The following MLLT6 variants were observed in gnomAD, a reference collection of about 807,000 sequenced individuals.
The protein encoded by MLLT6 is MLLT6, PHD finger containing.
In MLLT6, 22 loss-of-function variants were observed where a neutral mutation model predicts 103.0. That is an observed-to-expected ratio of 0.21 (90% confidence interval 0.15 to 0.31). The LOEUF (loss-of-function observed/expected upper bound fraction) is 0.31. Among genes scored for constraint, MLLT6 ranks in the 10% least tolerant of loss-of-function variants. The pLI, the probability that MLLT6 is intolerant of heterozygous loss-of-function variation, is 1.00. For synonymous variants in MLLT6, 606 were observed against 623.5 expected, an observed-to-expected ratio of 0.97 and a Z score of 0.42; for missense variants, 1,199 against 1,441.7, an observed-to-expected ratio of 0.83 and a Z score of 2.73.
rs894671753 is a variant in MLLT6 at position 38,728,592 on chromosome 17, G to A, written c.*2994G>A. ...GGGGTCACAACTGGTGCATGCCAGC[G>A]CCAAAGGGACCTGTCTTTAGGGGTC... is the stretch of plus-strand genomic sequence containing the variant. On this transcript the variant is annotated 3_prime_UTR_variant, in exon 20 of 20. Transcript: ENST00000621332. The A allele has an allele frequency of 8.6e-6, 2 of 233,460 alleles. No individual in the cohort carries two copies. The highest frequency in any genetic ancestry group is 8.5e-6 in the Non-Finnish European group (1 of 118,144). The allele number at this position is 233,460 out of a possible 1,614,324, so 14.5% of individuals were successfully genotyped here. A position where few individuals can be genotyped will look rare whatever the true frequency, so the allele number is the denominator to read the frequency against.
In MLLT6 at chr17:38,715,546, T is replaced by G. The variant is rs562545730; in HGVS notation, c.820-66T>G. 30 of 1,516,068 alleles carry G rather than the reference T, an allele frequency of 2.0e-5. No homozygotes were observed. The East Asian group carries it at 6.2e-4, about 31-fold the overall frequency. The allele number at this position is 1,516,068 out of a possible 1,614,324, so 93.9% of individuals were successfully genotyped here. On this transcript the variant is annotated intron_variant, in intron 8 of 19. Coordinates refer to ENST00000621332, the MANE Select transcript of MLLT6 (RefSeq NM_005937.4). ...TAGGTCCTGTGCCCTCCTGCTTCAC[T>G]CCCACATCAGGATCAGCACAGGCCC... is the stretch of plus-strand genomic sequence containing the variant.
At position 38,718,081 on chromosome 17, in the gene MLLT6, C is replaced by G. The variant is rs1425688577; in HGVS notation, c.1942+128C>G. The stretch of plus-strand genomic sequence containing the variant: ...CTCCCTCTGGCCATTGCCCTCCCTG[C>G]AAAAACAAACAGGCCGGGTGTGGTG... On this transcript the variant is annotated intron_variant, in intron 12 of 19. Transcript: ENST00000621332. 7.6e-6 allele frequency: 5 copies of G among 662,046 alleles called. No homozygotes were observed. The Admixed American group carries it at 1.1e-4, about 14-fold the overall frequency. The allele number at this position is 662,046 out of a possible 1,614,324, so 41.0% of individuals were successfully genotyped here.
At position 38,717,040 on chromosome 17, in the gene MLLT6, G is replaced by A. The variant is rs1905380749; in HGVS notation, c.1651+59G>A. On this transcript the variant is annotated intron_variant, in intron 10 of 19. Transcript: ENST00000621332. Reference sequence around the variant, plus strand: ...GGCCCAGCCAGTCTAGTGAGGAACAGAGCTTACACATGCACTTAGAAGGAA... The same window carrying A: ...GGCCCAGCCAGTCTAGTGAGGAACAAAGCTTACACATGCACTTAGAAGGAA... The A allele has an allele frequency of 1.1e-5, 18 of 1,595,870 alleles. 1 individual carries two copies. In the Middle Eastern group the frequency reaches 5.5e-4, roughly 49 times the overall value.
chr17:38,705,471 G>C lies in MLLT6; in HGVS notation c.-162G>C, dbSNP rs1179188739. On this transcript the variant is annotated 5_prime_UTR_variant, in exon 1 of 20. Coordinates refer to ENST00000621332, the MANE Select transcript of MLLT6 (RefSeq NM_005937.4). ...GCGAGGAGGAGGAGGAGGAGGACGCGGAGGAGGAGGAAGGAGGAGGCAAAG... is the reference window on the plus strand; with the variant it reads ...GCGAGGAGGAGGAGGAGGAGGACGCCGAGGAGGAGGAAGGAGGAGGCAAAG... 1.1e-5 allele frequency: 5 copies of C among 447,714 alleles called. No individual in the cohort carries two copies. The East Asian group carries it at 1.9e-4, about 17-fold the overall frequency. The allele number at this position is 447,714 out of a possible 1,614,324, so 27.7% of individuals were successfully genotyped here. A position where few individuals can be genotyped will look rare whatever the true frequency, so the allele number is the denominator to read the frequency against.
At chr17:38,706,692 T>TG (rs1567922169) in intron 1 of MLLT6, 1 of 368,616 alleles carries the variant, frequency 2.7e-6, no homozygotes, top group Non-Finnish European at 4.8e-6. Context: ...AGAAAGGGCG[T>TG]GGGGGGAGGA....
intron 3 of MLLT6, 45 bp from the exon 4 acceptor site, chr17:38,707,718 T>A: frequency 7.5e-7 from 1 of 1,333,890 alleles, no homozygotes. Flanking sequence ...GGGTGGAGTC[T>A]CCGGCTTGCC....
intron 8 of MLLT6, chr17:38,713,182 C>A (rs2143679160): frequency 1.6e-6 from 1 of 620,356 alleles, no homozygotes; most frequent in East Asian, 2.6e-5. Flanking sequence ...AAGCTTGTCA[C>A]CCAACCCAAA....
At position 38,719,596 on chromosome 17, in the gene MLLT6, G is replaced by A; in HGVS notation, c.2009+13G>A. 2 of 1,598,444 alleles carry A rather than the reference G, an allele frequency of 1.3e-6. No individual in the cohort carries two copies. Among genetic ancestry groups the A allele is most frequent in the East Asian group, 4.5e-5 (2 of 44,590 alleles). Reference sequence around the variant, plus strand: ...GTCTGTCTTCCATGTGAGGGAAGGGGCAGCCTGGAGGAGGGGCTGGGGGCA... The same window carrying A: ...GTCTGTCTTCCATGTGAGGGAAGGGACAGCCTGGAGGAGGGGCTGGGGGCA... On this transcript the variant is annotated intron_variant, in intron 13 of 19. Coordinates refer to ENST00000621332, the MANE Select transcript of MLLT6 (RefSeq NM_005937.4).
rs1269228828 is a variant in MLLT6, at chr17:38,709,862, G to A, written c.552+287G>A. Among the ~76,000 whole-genome samples the A allele has an allele frequency of 6.6e-6, 1 of 152,182 alleles. No homozygotes were observed. The highest frequency in any genetic ancestry group is 1.5e-5 in the Non-Finnish European group (1 of 68,044). The stretch of plus-strand genomic sequence containing the variant: ...GGTAGCATTTAAGCTGAGTGGAGGT[G>A]GAAATCAAAGTAAGAGCCAACATTT... On this transcript the variant is annotated intron_variant, in intron 6 of 19. Transcript: ENST00000621332. This position sits in a 1 kb window ranked among gnomAD's most constrained non-coding sequence, Gnocchi z 4.3.
chr17:38,727,485 C>T lies in MLLT6; in HGVS notation c.*1887C>T, dbSNP rs1194536168. ...CTTAATCTATTAAGCTGTGTAACTCCCTGCCCCAAACCACTGAAAAGAAAA... is the reference window on the plus strand; with the variant it reads ...CTTAATCTATTAAGCTGTGTAACTCTCTGCCCCAAACCACTGAAAAGAAAA... On this transcript the variant is annotated 3_prime_UTR_variant, in exon 20 of 20. Transcript: ENST00000621332. The T allele has an allele frequency of 4.6e-6, 1 of 216,390 alleles. No homozygotes were observed. Among genetic ancestry groups the T allele is most frequent in the Non-Finnish European group, 9.3e-6 (1 of 107,440 alleles). 13.4% of individuals were successfully genotyped at this position (216,390 alleles called of 1,614,324 possible).
chr17:38,719,981 G>A, intron 14 of MLLT6, 86 bp downstream of exon 14: 3 of 1,463,306 alleles, frequency 2.1e-6, no homozygotes, highest in Non-Finnish European at 2.7e-6. Context: ...CTTCTTTAAG[G>A]TTCCGCCCTT....
Position 38,709,435 on chromosome 17 carries a change from C to T in MLLT6, c.459-47C>T. 2.6e-6 allele frequency: 4 copies of T among 1,542,114 alleles called. No homozygotes were observed. The highest frequency in any genetic ancestry group is 3.6e-6 in the Non-Finnish European group (4 of 1,114,474). The stretch of plus-strand genomic sequence containing the variant: ...CCAGGAGGGTGAGAGGAAGGTGGCT[C>T]ATGTGATCTGTGGCCTCAGCCGTCT... On this transcript the variant is annotated intron_variant, in intron 5 of 19. Coordinates refer to ENST00000621332, the MANE Select transcript of MLLT6 (RefSeq NM_005937.4). The surrounding 1 kb of genome is among the most constrained non-coding windows in gnomAD (Gnocchi z 4.3).
In MLLT6 at chr17:38,724,421, T is replaced by C. The variant is rs1324583815; in HGVS notation, c.2884-199T>C. 1.9e-6 allele frequency: 1 copy of C among 533,988 alleles called. No homozygotes were observed. The highest frequency in any genetic ancestry group is 3.3e-6 in the Non-Finnish European group (1 of 303,290). 33.1% of individuals were successfully genotyped at this position (533,988 alleles called of 1,614,324 possible). A position where few individuals can be genotyped will look rare whatever the true frequency, so the allele number is the denominator to read the frequency against. The stretch of plus-strand genomic sequence containing the variant: ...CAGTGCTGCAGCTGGCAAATACCAA[T>C]GGCGTGCAACCATTTTCTTGTCTAG... On this transcript the variant is annotated intron_variant, in intron 18 of 19. Coordinates refer to ENST00000621332, the MANE Select transcript of MLLT6 (RefSeq NM_005937.4). The surrounding 1 kb of genome is among the most constrained non-coding windows in gnomAD (Gnocchi z 5.4).
chr17:38,717,635 C>G, intron 11 of MLLT6, 22 bp downstream of exon 11: 1 of 1,608,916 alleles, frequency 6.2e-7, no homozygotes. Context: ...CTCCTGGGCT[C>G]CTCCTTCCCT....
rs961945167 is a variant in MLLT6, at chr17:38,729,501, C to G, written c.*3903C>G. On this transcript the variant is annotated 3_prime_UTR_variant, in exon 20 of 20. Coordinates refer to ENST00000621332, the MANE Select transcript of MLLT6 (RefSeq NM_005937.4). ...GGGTGGTGGGACTGGAGACCTCACC[C>G]CTGCTCCCGTCCCGCCCCCTTTCTA... The G allele has an allele frequency of 4.3e-5, 10 of 233,470 alleles. No individual in the cohort carries two copies. The highest frequency in any genetic ancestry group is 7.6e-5 in the Non-Finnish European group (9 of 118,006). The allele number at this position is 233,470 out of a possible 1,614,324, so 14.5% of individuals were successfully genotyped here. A position where few individuals can be genotyped will look rare whatever the true frequency, so the allele number is the denominator to read the frequency against.
At chr17:38,720,320 G>GCCCCCCCCCCCCCC in intron 14 of MLLT6, 52 bp from the exon 15 acceptor site, 3 of 735,418 alleles carry the variant, frequency 4.1e-6, no homozygotes, top group East Asian at 2.8e-5. Flanking sequence ...CGGTCCCCTG[G>GCCCCCCCCCCCCCC]CCCCGCCTCC....
At position 38,721,977 on chromosome 17, in the gene MLLT6, C is replaced by T; in HGVS notation, c.2542C>T (p.Pro848Ser). The change falls in exon 17 of 20, where the codon CCC (proline) becomes TCC (serine). Residue 848 changes from proline (P) to serine (S), a missense_variant. Transcript: ENST00000621332. ...PLLQQSPATL[P>S]LALPGAPAPL... ...CCTCCAGCAGAGCCCTGCCACTCTG[C>T]CCCTGGCCCTGCCTGGGGCCCCTGC... The T allele has an allele frequency of 1.3e-6, 2 of 1,500,860 alleles. No individual in the cohort carries two copies. Among genetic ancestry groups the T allele is most frequent in the Non-Finnish European group, 1.8e-6 (2 of 1,125,982 alleles). The allele number at this position is 1,500,860 out of a possible 1,614,324, so 93.0% of individuals were successfully genotyped here. A position where few individuals can be genotyped will look rare whatever the true frequency, so the allele number is the denominator to read the frequency against.
In MLLT6 at chr17:38,717,706, G is replaced by T. The variant is rs1202140616; in HGVS notation, c.1833+93G>T. 1.4e-5 allele frequency: 21 copies of T among 1,472,046 alleles called. 1 individual carries two copies. The highest frequency in any genetic ancestry group is 4.6e-5 in the East Asian group (2 of 43,922). The allele number at this position is 1,472,046 out of a possible 1,614,324, so 91.2% of individuals were successfully genotyped here. On this transcript the variant is annotated intron_variant, in intron 11 of 19. Coordinates refer to ENST00000621332, the MANE Select transcript of MLLT6 (RefSeq NM_005937.4). Reference sequence around the variant, plus strand: ...CCTTCCATGGGAATTGGAGCAACTGGGCTGAGTTGCCATCAGACCACCCTC... The same window carrying T: ...CCTTCCATGGGAATTGGAGCAACTGTGCTGAGTTGCCATCAGACCACCCTC...
At position 38,719,847 on chromosome 17, in the gene MLLT6, A is replaced by G; in HGVS notation, c.2107A>G (p.Met703Val). The change falls in exon 14 of 20, where the codon ATG becomes GTG. Residue 703 changes from methionine to valine, a missense_variant. By Grantham distance (21) the Met-to-Val change is conservative (BLOSUM62 1). Transcript: ENST00000621332. ...LDPAAPGTTNMEQLLEKQGDG... is the reference protein window; with the variant it reads ...LDPAAPGTTNVEQLLEKQGDG... ...CCCGGCGGCCCCAGGGACGACTAACATGGAGCAGCTTCTGGAGAAGCAGGG... is the reference window on the plus strand; with the variant it reads ...CCCGGCGGCCCCAGGGACGACTAACGTGGAGCAGCTTCTGGAGAAGCAGGG... 1 of 1,610,822 alleles carries G rather than the reference A, an allele frequency of 6.2e-7. No individual in the cohort carries two copies. Among genetic ancestry groups the G allele is most frequent in the South Asian group, 1.1e-5 (1 of 90,464 alleles).
Sources: gnomAD v4.1 joint callset for allele counts (sites outside exome capture counted in the v4.1 genomes callset) on GRCh38, gnomAD v4.1.1 for gene constraint, Gnocchi (gnomAD v3.1) non-coding constraint, MANE v1.5 for transcripts, NCBI Gene and HGNC (gene_info 2026-07-23, HGNC 2026-07-21) for gene names.